Variants in TRIM2 observed in about 807,000 individuals in gnomAD.
TRIM2 encodes the protein tripartite motif containing 2.
TRIM2 carries 20 observed loss-of-function variants against 75.2 expected under a neutral mutation model. That is an observed-to-expected ratio of 0.27 (90% CI 0.19 to 0.39). TRIM2 has a LOEUF of 0.39. TRIM2 is among the 10% of genes least tolerant of loss of function. TRIM2 has a pLI of 1.00. For synonymous variants in TRIM2, 373 were observed against 388.3 expected, an observed-to-expected ratio of 0.96 and a Z score of 0.46; for missense variants, 660 against 990.8, an observed-to-expected ratio of 0.67 and a Z score of 4.48.
At chr4:153,196,577 C>T (rs139119171) in intron 1 of TRIM2, among the ~76,000 whole-genome samples, 37 of 152,204 alleles carry the variant, frequency 2.4e-4, no homozygotes, top group Non-Finnish European at 4.6e-4. Context: ...GTACCCAGCA[C>T]GTAACAAATG....
intron 3 of TRIM2, among the ~76,000 whole-genome samples, chr4:153,288,296 G>T (rs1761102525): frequency 6.6e-6 from 1 of 152,026 alleles, no homozygotes; most frequent in Admixed American, 6.6e-5. Flanking sequence ...AATTAGCCAG[G>T]GATGGTGGCG....
At chr4:153,289,275 C>G (rs553370863) in intron 3 of TRIM2, among the ~76,000 whole-genome samples, 1 of 152,128 alleles carries the variant, frequency 6.6e-6, no homozygotes, top group African/African-American at 2.4e-5. Flanking sequence ...CTTTTCTAAA[C>G]TAATTATTTT....
rs912784152 is a variant in TRIM2, at chr4:153,337,834, G to C, written c.*2868G>C. 1.0e-6 allele frequency: 1 copy of C among 985,646 alleles called. No individual in the cohort carries two copies. Among genetic ancestry groups the C allele is most frequent in the Non-Finnish European group, 1.2e-6 (1 of 829,934 alleles). 61.1% of individuals were successfully genotyped at this position (985,646 alleles called of 1,614,324 possible). A position where few individuals can be genotyped will look rare whatever the true frequency, so the allele number is the denominator to read the frequency against. ...ACTCATTCAAATTTCCCCTGGGCAC[G>C]TAAGGCAAAATATTGCCGGTTGGGA... On this transcript the variant is annotated 3_prime_UTR_variant, in exon 12 of 12. Coordinates refer to ENST00000338700, the MANE Select transcript of TRIM2 (RefSeq NM_015271.5).
At chr4:153,239,152 A>T (rs71620316) in intron 1 of TRIM2, among the ~76,000 whole-genome samples, 8,677 of 152,206 alleles carry the variant, frequency 0.057, 246 homozygotes, top group Non-Finnish European at 0.067. Context: ...GATGATCGAG[A>T]CCATCCTGGC....
At chr4:153,257,635 ATGG>A in intron 1 of TRIM2, 2 of 1,262,430 alleles carry the variant, frequency 1.6e-6, no homozygotes, top group Middle Eastern at 2.2e-4. Context: ...GTCTCTTTGC[ATGG>A]TGCTTCCCAA....
chr4:153,185,686 G>A (rs1732527466), intron 1 of TRIM2, among the ~76,000 whole-genome samples: 1 of 152,158 alleles, frequency 6.6e-6, no homozygotes, highest in Non-Finnish European at 1.5e-5. Context: ...GGAACCCTGG[G>A]ATAAATTGTG....
chr4:153,164,110 T>G (rs371703139), intron 1 of TRIM2, among the ~76,000 whole-genome samples: 53 of 152,286 alleles, frequency 3.5e-4, no homozygotes, highest in African/African-American at 1.2e-3. Flanking sequence ...TAATAACTTT[T>G]TACTTATATA....
chr4:153,258,840 T>C (rs1308900197), intron 1 of TRIM2, among the ~76,000 whole-genome samples: 1 of 152,220 alleles, frequency 6.6e-6, no homozygotes, highest in East Asian at 1.9e-4. Context: ...CTGCCTAGTG[T>C]GAATCTGTTT....
chr4:153,159,740 C>T (rs918783327), intron 1 of TRIM2, among the ~76,000 whole-genome samples: 1 of 152,114 alleles, frequency 6.6e-6, no homozygotes, highest in Non-Finnish European at 1.5e-5. Context: ...AAGACTGTCT[C>T]CCAAGATGGT....
chr4:153,182,355 T>C (rs749740478), intron 1 of TRIM2, among the ~76,000 whole-genome samples: 1 of 152,118 alleles, frequency 6.6e-6, no homozygotes, highest in Non-Finnish European at 1.5e-5. Context: ...AATGGGACCT[T>C]GGGAAAAAGA....
At chr4:153,244,858 A>C (rs1748694849) in intron 1 of TRIM2, among the ~76,000 whole-genome samples, 1 of 152,236 alleles carries the variant, frequency 6.6e-6, no homozygotes, top group Non-Finnish European at 1.5e-5. Flanking sequence ...TGGGAATTAC[A>C]TGGCATAACT....
chr4:153,192,670 G>C (rs1014722188), intron 1 of TRIM2, among the ~76,000 whole-genome samples: 16 of 151,006 alleles, frequency 1.1e-4, no homozygotes, highest in African/African-American at 3.9e-4. Flanking sequence ...AATTAATGAT[G>C]ACAGTTCGAT....
At chr4:153,213,554 G>T (rs1372702686) in intron 1 of TRIM2, among the ~76,000 whole-genome samples, 1 of 152,148 alleles carries the variant, frequency 6.6e-6, no homozygotes, top group Non-Finnish European at 1.5e-5. Context: ...TTGAGACAGA[G>T]TCTCGCTCTG....
intron 2 of TRIM2, among the ~76,000 whole-genome samples, chr4:153,274,840 G>A (rs1296907762): frequency 6.6e-6 from 1 of 152,206 alleles, no homozygotes; most frequent in African/African-American, 2.4e-5. Flanking sequence ...ACATCTGCTG[G>A]ATTCAGACGT....
rs529157538 is a variant in TRIM2 at position 153,281,190 on chromosome 4, G to A, written c.453+5060G>A. ...AAGGTAGTAACCAGCGCTCTTGAGA[G>A]TATGTATGGTGAGACATTTTCATAT... On this transcript the variant is annotated intron_variant, in intron 3 of 11. Coordinates refer to ENST00000338700, the MANE Select transcript of TRIM2 (RefSeq NM_015271.5). Among the ~76,000 whole-genome samples, 13 of 152,354 alleles carry A rather than the reference G, an allele frequency of 8.5e-5. No individual in the cohort carries two copies. The South Asian group carries it at 2.5e-3, about 29-fold the overall frequency.
chr4:153,218,926 T>C (rs1220080444), intron 1 of TRIM2, among the ~76,000 whole-genome samples: 3 of 152,194 alleles, frequency 2.0e-5, no homozygotes, highest in Non-Finnish European at 2.9e-5. Context: ...AACAGTTTTT[T>C]ATGCCTCTAT....
chr4:153,217,115 C>T (rs1157738203), intron 1 of TRIM2, among the ~76,000 whole-genome samples: 3 of 152,016 alleles, frequency 2.0e-5, no homozygotes, highest in African/African-American at 4.8e-5. Flanking sequence ...GCTCATGTTT[C>T]TGTTAAATGA....
intron 2 of TRIM2, among the ~76,000 whole-genome samples, chr4:153,275,027 T>A (rs1415173028): frequency 6.6e-6 from 1 of 152,086 alleles, no homozygotes; most frequent in Non-Finnish European, 1.5e-5. Context: ...CTGGAAAAAA[T>A]TGTATAGTCT....
chr4:153,316,151 G>T, intron 8 of TRIM2, 152 bp downstream of exon 8: 2 of 753,190 alleles, frequency 2.7e-6, no homozygotes, highest in South Asian at 4.5e-5. Context: ...TGAAGTGAGA[G>T]TAACAGTGAT....
Sources: allele counts gnomAD v4.1 joint callset (sites outside exome capture counted in the v4.1 genomes callset), GRCh38; gene constraint gnomAD v4.1.1; transcripts MANE v1.5; gene names NCBI Gene and HGNC (gene_info 2026-07-23, HGNC 2026-07-21).